Variants in ZNF618 observed in about 807,000 individuals in gnomAD.
The protein encoded by ZNF618 is neural precursor cell expressed, developmentally down-regulated 10.
In ZNF618, 34 loss-of-function variants were observed where a neutral mutation model predicts 103.0. That is an observed-to-expected ratio of 0.33 (90% CI 0.25 to 0.44). ZNF618 has a LOEUF of 0.44. Ranked by LOEUF, ZNF618 falls within the 20% of genes least tolerant of loss-of-function variation. The probability of loss-of-function intolerance (pLI) is 1.00; values close to 1 mark genes in which losing one functional copy is unlikely to be tolerated. For synonymous variants in ZNF618, 551 were observed against 542.2 expected (o/e 1.02, Z -0.23); for missense variants, 1,059 against 1,295.4 (o/e 0.82, Z 2.80).
chr9:113,968,258 TG>T (rs1040585364), intron 1 of ZNF618, among the ~76,000 whole-genome samples: 2 of 152,196 alleles, frequency 1.3e-5, no homozygotes, highest in Admixed American at 6.5e-5. Flanking sequence ...CTGCCAGGGT[TG>T]TTTCAAAATA....
At chr9:114,006,265 T>G (rs1841747878) in intron 6 of ZNF618, among the ~76,000 whole-genome samples, 1 of 152,208 alleles carries the variant, frequency 6.6e-6, no homozygotes, top group South Asian at 2.1e-4. Context: ...ATTTGCAGCT[T>G]ATTCAGACAG....
chr9:113,921,363 C>G (rs927254394), intron 1 of ZNF618, among the ~76,000 whole-genome samples: 1 of 152,246 alleles, frequency 6.6e-6, no homozygotes, highest in Non-Finnish European at 1.5e-5. Context: ...TGGGGACTGC[C>G]TGTATGATGT....
At chr9:114,015,859 A>G (rs1337556640) in intron 9 of ZNF618, among the ~76,000 whole-genome samples, 1 of 152,218 alleles carries the variant, frequency 6.6e-6, no homozygotes, top group Admixed American at 6.5e-5. Context: ...CCACAAAGTA[A>G]TGTCGGTTGA....
rs200395252 is a variant in ZNF618 at position 114,050,434 on chromosome 9, G to GCACACACACACACA, written c.*274_*275insACACACACACACAC. The GCACACACACACACA allele has an allele frequency of 3.2e-6, 1 of 316,586 alleles. No individual in the cohort carries two copies. The highest frequency in any genetic ancestry group is 2.8e-5 in the African/African-American group (1 of 36,318). 19.6% of individuals were successfully genotyped at this position (316,586 alleles called of 1,614,324 possible). A position where few individuals can be genotyped will look rare whatever the true frequency, so the allele number is the denominator to read the frequency against. On this transcript the variant is annotated 3_prime_UTR_variant, in exon 15 of 15. Coordinates refer to ENST00000374126, the MANE Select transcript of ZNF618 (RefSeq NM_001318042.2). ...TCATCTCCATGGCCAGAGAAACTTT[G>GCACACACACACACA]CACACACGCACACACACACACACAC... is the stretch of plus-strand genomic sequence containing the variant.
intron 2 of ZNF618, among the ~76,000 whole-genome samples, chr9:113,972,949 A>G (rs1482056781): frequency 1.3e-5 from 2 of 152,114 alleles, no homozygotes; most frequent in African/African-American, 2.4e-5. Context: ...CACACCTGTA[A>G]TCCCAGCTAC....
intron 11 of ZNF618, among the ~76,000 whole-genome samples, chr9:114,029,305 T>C (rs1189991952): frequency 6.6e-6 from 1 of 152,244 alleles, no homozygotes; most frequent in Non-Finnish European, 1.5e-5. Flanking sequence ...AAAAATTTTT[T>C]AGTTAATTGC....
intron 12 of ZNF618, among the ~76,000 whole-genome samples, chr9:114,033,564 C>T (rs920746253): frequency 6.6e-6 from 1 of 152,144 alleles, no homozygotes; most frequent in Non-Finnish European, 1.5e-5. Flanking sequence ...ACGCCTGCCT[C>T]TTCCAGGACC....
chr9:113,951,913 C>T (rs1006694451), intron 1 of ZNF618, among the ~76,000 whole-genome samples: 2 of 152,084 alleles, frequency 1.3e-5, no homozygotes, highest in Non-Finnish European at 2.9e-5. Context: ...GGGGTGGAGA[C>T]TTGGTCATCA....
chr9:113,907,127 G>T (rs547582776), intron 1 of ZNF618, among the ~76,000 whole-genome samples: 2 of 152,216 alleles, frequency 1.3e-5, no homozygotes, highest in Non-Finnish European at 2.9e-5. Flanking sequence ...TCCCTAAGCC[G>T]ATCACAGTGC....
intron 1 of ZNF618, among the ~76,000 whole-genome samples, chr9:113,960,345 A>G (rs895097905): frequency 2.6e-5 from 4 of 152,160 alleles, no homozygotes; most frequent in Non-Finnish European, 5.9e-5. Context: ...GTCTGTCCAT[A>G]AGCTTCCAGC....
intron 1 of ZNF618, among the ~76,000 whole-genome samples, chr9:113,967,449 G>A (rs1178159478): frequency 1.3e-5 from 2 of 151,844 alleles, no homozygotes; most frequent in South Asian, 2.1e-4. Flanking sequence ...CTCCCTATTC[G>A]TCCTTAACCT....
Position 114,036,397 on chromosome 9 carries a change from T to C in ZNF618, c.1246+20T>C. 1 of 1,559,616 alleles carries C rather than the reference T, an allele frequency of 6.4e-7. No homozygotes were observed. Among genetic ancestry groups the C allele is most frequent in the Non-Finnish European group, 8.7e-7 (1 of 1,150,974 alleles). ...ATGCAGGTAAGTAGGATACGGCTTC[T>C]CTCCCCCTCTCCTTCCTCAGTTCCT... On this transcript the variant is annotated intron_variant, in intron 13 of 14. Transcript: ENST00000374126.
intron 3 of ZNF618, among the ~76,000 whole-genome samples, chr9:113,991,556 A>G (rs767444355): frequency 4.6e-5 from 7 of 152,256 alleles, no homozygotes; most frequent in Non-Finnish European, 7.3e-5. Flanking sequence ...TACTACTAAT[A>G]TTAACAGTAT....
chr9:113,989,760 A>G (rs770769653), intron 3 of ZNF618, among the ~76,000 whole-genome samples: 25 of 152,126 alleles, frequency 1.6e-4, no homozygotes, highest in Admixed American at 3.3e-4. Context: ...TTTTCTTCCC[A>G]GTTGTTGAGA....
intron 1 of ZNF618, among the ~76,000 whole-genome samples, chr9:113,957,915 A>C (rs1202519538): frequency 2.0e-5 from 3 of 151,652 alleles, no homozygotes; most frequent in Admixed American, 1.3e-4. Context: ...GTACCAGGAC[A>C]TGGTTTATGG....
intron 3 of ZNF618, among the ~76,000 whole-genome samples, chr9:113,995,167 C>CT (rs1840448258): frequency 6.6e-6 from 1 of 151,788 alleles, no homozygotes; most frequent in African/African-American, 2.4e-5. Flanking sequence ...ATTTTTTATG[C>CT]TTGAAAGTCT....
intron 1 of ZNF618, among the ~76,000 whole-genome samples, chr9:113,878,085 G>A (rs1828127916): frequency 6.6e-6 from 1 of 151,870 alleles, no homozygotes; most frequent in Non-Finnish European, 1.5e-5. Flanking sequence ...ATTGTGATGT[G>A]GGGTTGGTAG....
Position 114,056,174 on chromosome 9 carries a change from T to G in ZNF618, c.*6007T>G, listed in dbSNP as rs1414642338. On this transcript the variant is annotated 3_prime_UTR_variant, in exon 15 of 15. Transcript: ENST00000374126. ...TATTTAGGGTTTTCTGTTTGTCCTTTGGGTTTTTGTTTCACTTTGTTTTGG... is the reference window on the plus strand; with the variant it reads ...TATTTAGGGTTTTCTGTTTGTCCTTGGGGTTTTTGTTTCACTTTGTTTTGG... 6.6e-6 allele frequency: 1 copy of G among 152,370 alleles called. No homozygotes were observed. The highest frequency in any genetic ancestry group is 1.5e-5 in the Non-Finnish European group (1 of 68,020). The allele number at this position is 152,370 out of a possible 1,614,324, so 9.4% of individuals were successfully genotyped here.
intron 1 of ZNF618, among the ~76,000 whole-genome samples, chr9:113,887,762 T>C (rs890536267): frequency 6.6e-6 from 1 of 152,208 alleles, no homozygotes; most frequent in Non-Finnish European, 1.5e-5. Context: ...GTCTGTAGTT[T>C]TCCAATTCAG....
Sources: allele counts gnomAD v4.1 joint callset (sites outside exome capture counted in the v4.1 genomes callset), GRCh38; gene constraint gnomAD v4.1.1; transcripts MANE v1.5; gene names NCBI Gene and HGNC (gene_info 2026-07-23, HGNC 2026-07-21).